Variants in SGPP2 observed in about 807,000 individuals in gnomAD.
SGPP2 encodes the protein sphingosine-1-phosphate phosphatase 2, also known as sphingosine 1-phosphate phosphohydrolase 2.
A neutral mutation model predicts 33.9 loss-of-function variants in SGPP2; 30 were observed. That is an observed-to-expected ratio of 0.89 (90% CI 0.66 to 1.20). The LOEUF (loss-of-function observed/expected upper bound fraction) is 1.20, where lower values mean the gene tolerates loss of function less well. Among genes scored for constraint, SGPP2 ranks in the 50% most tolerant of loss-of-function variants. SGPP2 has a pLI of 0.00. For missense variants in SGPP2, 458 were observed against 532.1 expected, an observed-to-expected ratio of 0.86 and a Z score of 1.37; for synonymous variants, 233 against 225.0, an observed-to-expected ratio of 1.04 and a Z score of -0.32.
intron 1 of SGPP2, among the ~76,000 whole-genome samples, chr2:222,453,913 G>C (rs375810539): frequency 1.3e-5 from 2 of 152,278 alleles, no homozygotes; most frequent in East Asian, 1.9e-4. Context: ...GGCACAGTGA[G>C]ATTAACTCAC....
intron 2 of SGPP2, among the ~76,000 whole-genome samples, chr2:222,492,492 C>T (rs541222290): frequency 1.1e-4 from 17 of 152,338 alleles, no homozygotes; most frequent in Admixed American, 2.6e-4. Context: ...GCTGAATCAG[C>T]GGGGACACAG....
At chr2:222,426,236 A>T (rs1357070187) in intron 1 of SGPP2, among the ~76,000 whole-genome samples, 1 of 144,466 alleles carries the variant, frequency 6.9e-6, no homozygotes, top group Non-Finnish European at 1.5e-5. Flanking sequence ...AAAAAAAAAG[A>T]CCAAAACAAA....
chr2:222,449,022 T>G (rs565563120), intron 1 of SGPP2, among the ~76,000 whole-genome samples: 110 of 152,300 alleles, frequency 7.2e-4, no homozygotes, highest in African/African-American at 2.4e-3. Context: ...TTCCTGACCG[T>G]GAAGGTTGCT....
chr2:222,510,190 A>G (rs1301796880), intron 2 of SGPP2, among the ~76,000 whole-genome samples: 3 of 152,270 alleles, frequency 2.0e-5, no homozygotes, highest in Non-Finnish European at 4.4e-5. Flanking sequence ...CAACATTTAC[A>G]TACAAGTTCC....
chr2:222,491,597 C>T (rs1330364338), intron 2 of SGPP2, among the ~76,000 whole-genome samples: 6 of 152,174 alleles, frequency 3.9e-5, no homozygotes, highest in African/African-American at 1.4e-4. Context: ...AATCACCTCC[C>T]ACCTGGTCCT....
chr2:222,439,762 CA>C (rs1231815392), intron 1 of SGPP2, among the ~76,000 whole-genome samples: 1 of 152,088 alleles, frequency 6.6e-6, no homozygotes, highest in Non-Finnish European at 1.5e-5. Context: ...AGGTGATAAA[CA>C]AATTAGTAGT....
intron 4 of SGPP2, among the ~76,000 whole-genome samples, chr2:222,536,637 G>A (rs772855682): frequency 1.3e-5 from 2 of 152,080 alleles, no homozygotes; most frequent in African/African-American, 2.4e-5. Flanking sequence ...CTGAGATCGC[G>A]CCACTGCACT....
intron 1 of SGPP2, 44 bp downstream of exon 1, chr2:222,424,865 T>A (rs1697036622): frequency 7.8e-7 from 1 of 1,276,308 alleles, no homozygotes; most frequent in Non-Finnish European, 9.9e-7. Context: ...AGGGGGCGGC[T>A]GCGGACGTGC....
At chr2:222,526,724 G>A (rs1354930595) in intron 4 of SGPP2, among the ~76,000 whole-genome samples, 1 of 152,224 alleles carries the variant, frequency 6.6e-6, no homozygotes, top group Non-Finnish European at 1.5e-5. Flanking sequence ...TGACATGGAT[G>A]AAGCTGGAAG....
intron 4 of SGPP2, among the ~76,000 whole-genome samples, chr2:222,538,086 G>A (rs931502302): frequency 1.3e-5 from 2 of 152,192 alleles, no homozygotes; most frequent in African/African-American, 4.8e-5. Context: ...GCTAAATACT[G>A]TTTAATTTCT....
chr2:222,542,421 A>T (rs1168434533), intron 4 of SGPP2, among the ~76,000 whole-genome samples: 1 of 152,166 alleles, frequency 6.6e-6, no homozygotes, highest in South Asian at 2.1e-4. Context: ...TTTCCTCTTG[A>T]GTATGAACGC....
chr2:222,527,375 A>G (rs1698775035), intron 4 of SGPP2, among the ~76,000 whole-genome samples: 1 of 152,188 alleles, frequency 6.6e-6, no homozygotes, highest in Admixed American at 6.5e-5. Flanking sequence ...TTAGGCCTGG[A>G]TGTCACACTA....
chr2:222,488,437 C>G (rs2106108322), intron 2 of SGPP2, among the ~76,000 whole-genome samples: 1 of 152,330 alleles, frequency 6.6e-6, no homozygotes, highest in East Asian at 1.9e-4. Context: ...TTGTGCACTC[C>G]TTATGAGACT....
chr2:222,456,835 A>T (rs1340903976), intron 1 of SGPP2, among the ~76,000 whole-genome samples: 1 of 152,238 alleles, frequency 6.6e-6, no homozygotes, highest in Non-Finnish European at 1.5e-5. Context: ...ATATTTTAAG[A>T]GGGCAATAAA....
intron 2 of SGPP2, among the ~76,000 whole-genome samples, chr2:222,502,272 G>A (rs1698379576): frequency 6.6e-6 from 1 of 152,140 alleles, no homozygotes; most frequent in Non-Finnish European, 1.5e-5. Context: ...TTACATCTAT[G>A]GAGAGAAAAA....
intron 2 of SGPP2, among the ~76,000 whole-genome samples, chr2:222,480,014 A>T (rs781181973): frequency 5.3e-5 from 8 of 152,190 alleles, no homozygotes; most frequent in Non-Finnish European, 1.0e-4. Flanking sequence ...AAAGACAGCA[A>T]ATGGATTTTC....
intron 2 of SGPP2, among the ~76,000 whole-genome samples, chr2:222,486,626 G>A (rs909168271): frequency 2.0e-5 from 3 of 152,154 alleles, no homozygotes; most frequent in African/African-American, 4.8e-5. Context: ...ATGCGGGGTT[G>A]TGGCCTTTAT....
intron 2 of SGPP2, 103 bp downstream of exon 2, chr2:222,474,829 T>A: frequency 1.1e-6 from 1 of 915,696 alleles, no homozygotes; most frequent in Non-Finnish European, 1.6e-6. Flanking sequence ...TTTTTTTTTT[T>A]TTACCACTTA....
intron 2 of SGPP2, among the ~76,000 whole-genome samples, chr2:222,507,684 G>GTCTCCTGCCCACTCCAGATCTCAGT (rs1698464943): frequency 6.6e-6 from 1 of 152,142 alleles, no homozygotes; most frequent in Non-Finnish European, 1.5e-5. Flanking sequence ...TGCAAAGCAT[G>GTCTCCTGCCCACTCCAGATCTCAGT]TCTCCTGCCC....
Sources: allele counts gnomAD v4.1 joint callset (sites outside exome capture counted in the v4.1 genomes callset), GRCh38; gene constraint gnomAD v4.1.1; transcripts MANE v1.5; gene names NCBI Gene and HGNC (gene_info 2026-07-23, HGNC 2026-07-21).